Variants in CAMK2D observed in about 807,000 individuals in gnomAD.
CAMK2D encodes the protein calcium/calmodulin-dependent protein kinase type II subunit delta.
A neutral mutation model predicts 84.0 loss-of-function variants in CAMK2D; 37 were observed. That is an observed-to-expected ratio of 0.44 (90% CI 0.34 to 0.58). The LOEUF (loss-of-function observed/expected upper bound fraction) is 0.58. Ranked by LOEUF, CAMK2D falls within the 20% of genes least tolerant of loss-of-function variation. The pLI, the probability that CAMK2D is intolerant of heterozygous loss-of-function variation, is 0.02. For synonymous variants in CAMK2D, 202 were observed against 212.5 expected, an observed-to-expected ratio of 0.95 and a Z score of 0.43; for missense variants, 448 against 652.5, an observed-to-expected ratio of 0.69 and a Z score of 3.41.
Position 113,761,047 on chromosome 4 carries a change from T to A in CAMK2D, c.22A>T (p.Thr8Ser). Residue 8 changes from threonine (T) to serine (S), a missense_variant, in exon 1 of 21, where the codon ACC becomes TCC. Coordinates refer to ENST00000511664, the MANE Select transcript of CAMK2D (RefSeq NM_001321571.2). The stretch of plus-strand genomic sequence containing the variant: ...AGCTGATACTCGTCCGTGAACCTGG[T>A]GCAGGTTGTGGTCGAAGCCATCCTC... Reference protein sequence around the residue: MASTTTCTRFTDEYQLFE... With the variant: MASTTTCSRFTDEYQLFE... 1 of 1,614,190 alleles carries A rather than the reference T, an allele frequency of 6.2e-7. No individual in the cohort carries two copies. Among genetic ancestry groups the A allele is most frequent in the South Asian group, 1.1e-5 (1 of 91,090 alleles).
intron 2 of CAMK2D, among the ~76,000 whole-genome samples, chr4:113,738,044 A>G (rs2099585218): frequency 6.6e-6 from 1 of 152,110 alleles, no homozygotes. Flanking sequence ...CACAACCTCA[A>G]AATAGGCTTT....
intron 16 of CAMK2D, among the ~76,000 whole-genome samples, chr4:113,497,569 G>T (rs957474397): frequency 5.9e-5 from 9 of 152,064 alleles, no homozygotes; most frequent in Non-Finnish European, 1.5e-5. Flanking sequence ...ATTCAAAGAC[G>T]CCAGAAAGAA....
intron 1 of CAMK2D, 54 bp downstream of exon 1, chr4:113,760,950 C>A: frequency 6.2e-7 from 1 of 1,611,954 alleles, no homozygotes; most frequent in Non-Finnish European, 8.5e-7. Flanking sequence ...GGGGGCAACG[C>A]GACCCGCCCT....
chr4:113,687,228 T>C (rs1341186837), intron 2 of CAMK2D, among the ~76,000 whole-genome samples: 1 of 152,210 alleles, frequency 6.6e-6, no homozygotes, highest in African/African-American at 2.4e-5. Flanking sequence ...TACTGAAATG[T>C]AGGAAAAACA....
In CAMK2D at chr4:113,759,426, TA is replaced by T; in HGVS notation, c.66-13del. The T allele has an allele frequency of 6.7e-7, 1 of 1,482,694 alleles. No homozygotes were observed. Among genetic ancestry groups the T allele is most frequent in the South Asian group, 1.2e-5 (1 of 82,838 alleles). The allele number at this position is 1,482,694 out of a possible 1,614,324, so 91.8% of individuals were successfully genotyped here. Reference sequence around the variant, plus strand: ...CTGAGAATGCCCCCCTGGAAACCAATAATTAGCAGGTCATTAATATAACAGA... The same window carrying T: ...CTGAGAATGCCCCCCTGGAAACCAATATTAGCAGGTCATTAATATAACAGA... On this transcript the variant is annotated splice_polypyrimidine_tract_variant and intron_variant, in intron 1 of 20. Coordinates refer to ENST00000511664, the MANE Select transcript of CAMK2D (RefSeq NM_001321571.2).
At chr4:113,732,489 T>C (rs1040274134) in intron 2 of CAMK2D, among the ~76,000 whole-genome samples, 5 of 152,202 alleles carry the variant, frequency 3.3e-5, no homozygotes, top group African/African-American at 1.2e-4. Context: ...TCTAATATTA[T>C]TGGTTGAGCT....
At chr4:113,553,648 C>T (rs555074059) in intron 4 of CAMK2D, among the ~76,000 whole-genome samples, 4 of 152,270 alleles carry the variant, frequency 2.6e-5, no homozygotes, top group East Asian at 3.9e-4. Flanking sequence ...AGTCCTTTAA[C>T]GTCCGTCATT....
intron 8 of CAMK2D, among the ~76,000 whole-genome samples, chr4:113,524,272 C>G (rs1226086454): frequency 6.6e-6 from 1 of 152,178 alleles, no homozygotes; most frequent in Admixed American, 6.6e-5. Context: ...CACTGAAACT[C>G]TATATACATG....
intron 2 of CAMK2D, among the ~76,000 whole-genome samples, chr4:113,713,146 T>C (rs1403398462): frequency 6.6e-6 from 1 of 151,944 alleles, no homozygotes; most frequent in East Asian, 1.9e-4. Flanking sequence ...GATGGTTAAA[T>C]TGTGTTCACT....
rs531602921 is a variant in CAMK2D, at chr4:113,485,734, C to G, written c.1135+14729G>C. Among the ~76,000 whole-genome samples the G allele has an allele frequency of 2.0e-5, 3 of 152,306 alleles. No individual in the cohort carries two copies. The East Asian group carries it at 5.8e-4, about 29-fold the overall frequency. Reference sequence around the variant, plus strand: ...CTTGTCTATGATGTATGCCTCTCATCTCTTAATATTAGATCAGCTCAAGCT... The same window carrying G: ...CTTGTCTATGATGTATGCCTCTCATGTCTTAATATTAGATCAGCTCAAGCT... On this transcript the variant is annotated intron_variant, in intron 16 of 20. Coordinates refer to ENST00000511664, the MANE Select transcript of CAMK2D (RefSeq NM_001321571.2).
intron 2 of CAMK2D, among the ~76,000 whole-genome samples, chr4:113,697,287 C>G (rs1290964049): frequency 6.6e-6 from 1 of 152,054 alleles, no homozygotes; most frequent in East Asian, 1.9e-4. Context: ...CACTAAGAAC[C>G]AACAGATAAT....
chr4:113,700,391 C>T (rs1037036655), intron 2 of CAMK2D, among the ~76,000 whole-genome samples: 6 of 152,096 alleles, frequency 3.9e-5, no homozygotes, highest in Admixed American at 6.6e-5. Flanking sequence ...GTTCTCAAGG[C>T]AGTAACAGTG....
intron 2 of CAMK2D, among the ~76,000 whole-genome samples, chr4:113,705,326 CA>C (rs34325573): frequency 2.2e-3 from 196 of 91,102 alleles, no homozygotes; most frequent in Admixed American, 1.8e-3. Context: ...GACTCCATCT[CA>C]AAAAAAAAAA....
intron 16 of CAMK2D, among the ~76,000 whole-genome samples, chr4:113,470,389 T>C (rs902552288): frequency 2.0e-5 from 3 of 152,194 alleles, no homozygotes; most frequent in Admixed American, 6.5e-5. Context: ...CTCATGCCTG[T>C]AATCTCAGCA....
At chr4:113,551,929 T>C (rs904965233) in intron 5 of CAMK2D, 102 bp downstream of exon 5, 2 of 539,438 alleles carry the variant, frequency 3.7e-6, no homozygotes, top group Non-Finnish European at 6.6e-6. Context: ...CCGGAGATCC[T>C]TAAAACATTT....
At chr4:113,495,205 T>A (rs1488300010) in intron 16 of CAMK2D, among the ~76,000 whole-genome samples, 1 of 152,190 alleles carries the variant, frequency 6.6e-6, no homozygotes, top group African/African-American at 2.4e-5. Context: ...TAAAATCAAA[T>A]TTTGGATTAG....
chr4:113,610,138 GATT>G (rs2098994104), intron 3 of CAMK2D, among the ~76,000 whole-genome samples: 1 of 151,880 alleles, frequency 6.6e-6, no homozygotes, highest in Non-Finnish European at 1.5e-5. Flanking sequence ...TTGATGTACA[GATT>G]ATTTTGTCCC....
At position 113,579,646 on chromosome 4, in the gene CAMK2D, T is replaced by G. The variant is rs1978131; in HGVS notation, c.276-27550A>C. Among the ~76,000 whole-genome samples the G allele has an allele frequency of 2.6e-3, 390 of 152,296 alleles. 1 individual carries two copies. Among genetic ancestry groups the G allele is most frequent in the Non-Finnish European group, 4.5e-3 (309 of 68,016 alleles). ...CCTTCCACTATGATTGGAAGCTTCC[T>G]GAATCCCTCACCAGAAGCAGATGCC... On this transcript the variant is annotated intron_variant, in intron 4 of 20. Transcript: ENST00000511664.
At chr4:113,627,631 G>C (rs918291694) in intron 3 of CAMK2D, among the ~76,000 whole-genome samples, 1 of 152,122 alleles carries the variant, frequency 6.6e-6, no homozygotes, top group African/African-American at 2.4e-5. Flanking sequence ...ACCTTCTTGA[G>C]CTTAGGAACT....
Sources: gnomAD v4.1 joint callset for allele counts (sites outside exome capture counted in the v4.1 genomes callset) on GRCh38, gnomAD v4.1.1 for gene constraint, MANE v1.5 for transcripts, NCBI Gene and HGNC (gene_info 2026-07-23, HGNC 2026-07-21) for gene names.